OOSP4B: variants seen among roughly 807,000 people sequenced by gnomAD.
The protein encoded by OOSP4B is oocyte secreted protein family member 4B.
Position 60,029,934 on chromosome 11 carries a change from G to T in OOSP4B, c.450+5G>T. 5.0e-6 allele frequency: 2 copies of T among 398,226 alleles called. No individual in the cohort carries two copies. Among genetic ancestry groups the T allele is most frequent in the East Asian group, 7.1e-5 (2 of 28,034 alleles). The allele number at this position is 398,226 out of a possible 1,614,324, so 24.7% of individuals were successfully genotyped here. On this transcript the variant is annotated splice_donor_5th_base_variant and intron_variant, in intron 4 of 4. Transcript: ENST00000642343. ...AATTTTAACAGTGTTAATAAGGTGA[G>T]AATATTAAGGTTGTTTATTTTATAG... is the stretch of plus-strand genomic sequence containing the variant.
chr11:60,024,866 G>T (rs1854730782), intron 2 of OOSP4B, 42 bp from the exon 3 acceptor site: 1 of 397,976 alleles, frequency 2.5e-6, no homozygotes, highest in East Asian at 3.6e-5. Context: ...GCCACCAAAA[G>T]AATTTAATGC....
chr11:60,022,775 A>G (rs1012946647), intron 1 of OOSP4B, among the ~76,000 whole-genome samples: 1 of 151,992 alleles, frequency 6.6e-6, no homozygotes, highest in African/African-American at 2.4e-5. Flanking sequence ...GTGGGGAGAG[A>G]TAATAGTAAA....
rs1175876148 is a variant in OOSP4B, at chr11:60,030,310, A to T, written c.450+381A>T. The stretch of plus-strand genomic sequence containing the variant: ...ATATGTGTATAAAATAAGTAGGCAG[A>T]TAGGTAAACTAGGCTTAAATTCAGA... On this transcript the variant is annotated intron_variant, in intron 4 of 4. Transcript: ENST00000642343. Among the ~76,000 whole-genome samples, 2 of 152,234 alleles carry T rather than the reference A, an allele frequency of 1.3e-5. 1 individual carries two copies. The highest frequency in any genetic ancestry group is 4.8e-5 in the African/African-American group (2 of 41,458).
chr11:60,024,422 C>T (rs1854724707), intron 2 of OOSP4B, among the ~76,000 whole-genome samples: 1 of 152,146 alleles, frequency 6.6e-6, no homozygotes, highest in African/African-American at 2.4e-5. Flanking sequence ...TACCTGTAAT[C>T]CCAGCTATTT....
At chr11:60,019,359 C>G (rs1447655415) in intron 1 of OOSP4B, 1 of 165,928 alleles carries the variant, frequency 6.0e-6, no homozygotes, top group African/African-American at 2.4e-5. Context: ...ACTAAAAATA[C>G]AAAAATTAGC....
chr11:60,020,515 T>TG (rs759474178), intron 1 of OOSP4B, among the ~76,000 whole-genome samples: 21 of 152,130 alleles, frequency 1.4e-4, no homozygotes, highest in Non-Finnish European at 2.8e-4. Flanking sequence ...GCTCCGAGTG[T>TG]GGGGCAGCGG....
At chr11:60,026,239 G>C (rs2845624) in intron 3 of OOSP4B, among the ~76,000 whole-genome samples, 63,064 of 152,016 alleles carry the variant, frequency 0.41, 14,146 homozygotes, top group African/African-American at 0.55. Flanking sequence ...ATTGCCAAGT[G>C]TTATTTTCTT....
At chr11:60,027,416 G>A (rs905316163) in intron 3 of OOSP4B, among the ~76,000 whole-genome samples, 1 of 151,958 alleles carries the variant, frequency 6.6e-6, no homozygotes, top group Non-Finnish European at 1.5e-5. Context: ...CTGGAACGGG[G>A]TAGAAAATGT....
intron 1 of OOSP4B, among the ~76,000 whole-genome samples, chr11:60,019,825 T>A (rs1854669341): frequency 6.6e-6 from 1 of 152,236 alleles, no homozygotes; most frequent in African/African-American, 2.4e-5. Flanking sequence ...CCTGCTTTTA[T>A]TCCCTTATCT....
rs564449220 is a variant in OOSP4B, at chr11:60,029,896, A to T, written c.417A>T (p.Lys139Asn). 25 of 398,464 alleles carry T rather than the reference A, an allele frequency of 6.3e-5. No homozygotes were observed. The South Asian group carries it at 3.1e-3, about 49-fold the overall frequency. The allele number at this position is 398,464 out of a possible 1,614,324, so 24.7% of individuals were successfully genotyped here. The change falls in exon 4 of 5, where the codon AAA becomes AAT. Residue 139 changes from lysine (K) to asparagine (N), a missense_variant. By Grantham distance (94) the Lys-to-Asn change is moderately conservative. Coordinates refer to ENST00000642343, the Ensembl canonical transcript of OOSP4B. ...AGTCACCAACTCCCACACAAAGTAA[A>T]ACATGGACACTTAATTTTAACAGTG...
At chr11:60,017,593 C>A (rs1854640759) in intron 1 of OOSP4B, among the ~76,000 whole-genome samples, 180 bp downstream of exon 1, 1 of 152,026 alleles carries the variant, frequency 6.6e-6, no homozygotes, top group Admixed American at 6.5e-5. Flanking sequence ...GGTAGGGCTG[C>A]CTGTTTCTAT....
chr11:60,017,354 T>C (rs1450419611), exon 1 of OOSP4B: 2 of 398,542 alleles, frequency 5.0e-6, no homozygotes, highest in Non-Finnish European at 8.8e-6. Flanking sequence ...CTCCTTGCCA[T>C]TTCTTGTTTT....
intron 1 of OOSP4B, among the ~76,000 whole-genome samples, chr11:60,019,203 A>C (rs1301339212): frequency 6.6e-6 from 1 of 152,004 alleles, no homozygotes; most frequent in Admixed American, 6.5e-5. Context: ...AGCCTGGGCG[A>C]CAGAGCGAGA....
intron 1 of OOSP4B, among the ~76,000 whole-genome samples, chr11:60,020,311 C>G (rs1002709416): frequency 6.6e-6 from 1 of 152,162 alleles, no homozygotes; most frequent in Non-Finnish European, 1.5e-5. Context: ...AGCAGGGGGC[C>G]CCCGCTTGTT....
intron 3 of OOSP4B, among the ~76,000 whole-genome samples, 157 bp from the exon 4 acceptor site, chr11:60,029,625 C>T (rs1031421414): frequency 6.6e-6 from 1 of 152,200 alleles, no homozygotes; most frequent in African/African-American, 2.4e-5. Flanking sequence ...CTGTTACAAA[C>T]TCTTTATTTA....
chr11:60,029,213 C>T (rs958466797), intron 3 of OOSP4B, among the ~76,000 whole-genome samples: 9 of 152,102 alleles, frequency 5.9e-5, no homozygotes, highest in South Asian at 2.1e-4. Context: ...CTTTGAGAGA[C>T]GAGCAAACCA....
intron 3 of OOSP4B, among the ~76,000 whole-genome samples, chr11:60,029,131 A>T (rs894854156): frequency 1.8e-4 from 27 of 152,348 alleles, no homozygotes; most frequent in Admixed American, 1.3e-3. Flanking sequence ...GAAAATTTGA[A>T]TGAGATTTTA....
At chr11:60,029,644 G>A in intron 3 of OOSP4B, 138 bp from the exon 4 acceptor site, 1 of 394,550 alleles carries the variant, frequency 2.5e-6, no homozygotes, top group Middle Eastern at 6.4e-4. Flanking sequence ...TAGATTTACT[G>A]AGCTACTTTG....
intron 3 of OOSP4B, 85 bp from the exon 4 acceptor site, chr11:60,029,697 C>T (rs686713): frequency 0.13 from 50,358 of 396,298 alleles, 3,651 homozygotes; most frequent in South Asian, 0.28. Context: ...TCACTTATAA[C>T]GAACCTATCT....
Sources: allele counts gnomAD v4.1 joint callset (sites outside exome capture counted in the v4.1 genomes callset), GRCh38; gene constraint gnomAD v4.1.1; transcripts MANE v1.5; gene names NCBI Gene and HGNC (gene_info 2026-07-23, HGNC 2026-07-21).